Variants in CMTM7 observed in about 807,000 individuals in gnomAD.
The protein encoded by CMTM7 is CKLF like MARVEL transmembrane domain containing 7, also known as CKLF-like MARVEL transmembrane domain-containing protein 7.
A neutral mutation model predicts 19.3 loss-of-function variants in CMTM7; 7 were observed. The ratio of observed to expected loss-of-function variants is 0.36; its 90% confidence interval spans 0.21 to 0.68. CMTM7 has a LOEUF of 0.68. CMTM7 is among the 30% of genes least tolerant of loss of function. CMTM7 has a pLI of 0.60. For missense variants in CMTM7, 193 were observed against 232.6 expected, an observed-to-expected ratio of 0.83 and a Z score of 1.11; for synonymous variants, 87 against 99.3, an observed-to-expected ratio of 0.88 and a Z score of 0.74.
Position 32,441,995 on chromosome 3 carries a change from T to C in CMTM7, c.315T>C (p.Cys105=). The change falls in exon 2 of 5, where the codon TGT becomes TGC. Residue 105 remains cysteine, a synonymous_variant. Transcript: ENST00000334983. ...TCCGCTTCTACCGCGTGCTCACCTG[T>C]ATCAGCTGGCCCCTGTCGGTAAGAG... ...HLFRFYRVLT[C]ISWPLSELLH... is the part of the protein sequence containing the mutation. 6.2e-7 allele frequency: 1 copy of C among 1,614,184 alleles called. No individual in the cohort carries two copies. The highest frequency in any genetic ancestry group is 8.5e-7 in the Non-Finnish European group (1 of 1,180,022).
At chr3:32,434,137 C>T (rs6788735) in intron 1 of CMTM7, among the ~76,000 whole-genome samples, 18,319 of 151,844 alleles carry the variant, frequency 0.12, 1,225 homozygotes, top group African/African-American at 0.18. Flanking sequence ...TGCAGTGAGC[C>T]GAGATCATGC....
intron 1 of CMTM7, among the ~76,000 whole-genome samples, chr3:32,401,698 C>T (rs1384814587): frequency 1.3e-5 from 2 of 152,236 alleles, no homozygotes; most frequent in Admixed American, 1.3e-4. Flanking sequence ...AAGCCTGGCT[C>T]GGCCGCCGCC....
chr3:32,425,328 GAGA>G (rs1468605711), intron 1 of CMTM7, among the ~76,000 whole-genome samples: 1 of 152,120 alleles, frequency 6.6e-6, no homozygotes, highest in African/African-American at 2.4e-5. Flanking sequence ...GCCAGTCCTG[GAGA>G]AGATTTCTTG....
intron 1 of CMTM7, among the ~76,000 whole-genome samples, chr3:32,423,953 T>C (rs1312300277): frequency 1.3e-5 from 2 of 152,222 alleles, no homozygotes; most frequent in Non-Finnish European, 2.9e-5. Context: ...TTACTTTCAA[T>C]AGAGGCCAGA....
intron 2 of CMTM7, among the ~76,000 whole-genome samples, chr3:32,444,839 C>T (rs1386285416): frequency 3.3e-5 from 5 of 152,140 alleles, no homozygotes; most frequent in African/African-American, 9.7e-5. Flanking sequence ...CATCCTCAAA[C>T]TCCTGGGCTC....
At chr3:32,409,572 G>A (rs1696142477) in intron 1 of CMTM7, among the ~76,000 whole-genome samples, 1 of 152,142 alleles carries the variant, frequency 6.6e-6, no homozygotes, top group Non-Finnish European at 1.5e-5. Context: ...GGTGTATTCA[G>A]TTGTCACATC....
At chr3:32,446,563 T>C (rs1696756969) in intron 2 of CMTM7, among the ~76,000 whole-genome samples, 1 of 152,160 alleles carries the variant, frequency 6.6e-6, no homozygotes, top group Non-Finnish European at 1.5e-5. Context: ...CCTAGTGTCT[T>C]AATGTATAAT....
chr3:32,399,263 G>GTTTTT (rs796825427), intron 1 of CMTM7, among the ~76,000 whole-genome samples: 21 of 128,480 alleles, frequency 1.6e-4, no homozygotes, highest in African/African-American at 5.3e-4. Flanking sequence ...GGAACCTTTT[G>GTTTTT]TTTTTTTTTT....
intron 1 of CMTM7, among the ~76,000 whole-genome samples, chr3:32,394,771 C>T (rs1695890518): frequency 6.6e-6 from 1 of 152,108 alleles, no homozygotes; most frequent in African/African-American, 2.4e-5. Flanking sequence ...TCTCAGCTCA[C>T]TGCAACCTCT....
intron 1 of CMTM7, among the ~76,000 whole-genome samples, chr3:32,402,386 A>G (rs1454774367): frequency 6.6e-6 from 1 of 151,884 alleles, no homozygotes; most frequent in South Asian, 2.1e-4. Flanking sequence ...TGCTGGGATT[A>G]CAGGCACCAG....
At chr3:32,430,709 G>GTA (rs1696504785) in intron 1 of CMTM7, among the ~76,000 whole-genome samples, 1 of 151,358 alleles carries the variant, frequency 6.6e-6, no homozygotes, top group Admixed American at 6.6e-5. Flanking sequence ...GTGTGTGTGT[G>GTA]TGTGTGACAC....
intron 2 of CMTM7, among the ~76,000 whole-genome samples, chr3:32,448,282 T>TA (rs1696780615): frequency 6.6e-6 from 1 of 152,146 alleles, no homozygotes; most frequent in African/African-American, 2.4e-5. Context: ...GTTCTTCAGT[T>TA]AAAATCTCTG....
In CMTM7 at chr3:32,416,372, T is replaced by C. The variant is rs1485998794; in HGVS notation, c.159+24307T>C. Among the ~76,000 whole-genome samples the C allele has an allele frequency of 2.5e-4, 22 of 87,642 alleles. 2 individuals carry two copies. The highest frequency in any genetic ancestry group is 9.8e-4 in the South Asian group (2 of 2,034). The allele number at this position is 87,642 out of a possible 152,430, so 57.5% of individuals were successfully genotyped here. A position where few individuals can be genotyped will look rare whatever the true frequency, so the allele number is the denominator to read the frequency against. ...CACCATCCGGGCTAATTTTTTTTTT[T>C]TTTTTTTTTTTTTTTTTTTTTTTTT... On this transcript the variant is annotated intron_variant, in intron 1 of 4. Coordinates refer to ENST00000334983, the MANE Select transcript of CMTM7 (RefSeq NM_138410.4).
At chr3:32,423,913 C>G (rs1696383367) in intron 1 of CMTM7, among the ~76,000 whole-genome samples, 1 of 152,202 alleles carries the variant, frequency 6.6e-6, no homozygotes, top group Admixed American at 6.5e-5. Flanking sequence ...TGCAAAGAAT[C>G]AAAACATGAA....
At chr3:32,419,502 G>T (rs1199448308) in intron 1 of CMTM7, among the ~76,000 whole-genome samples, 1 of 152,176 alleles carries the variant, frequency 6.6e-6, no homozygotes, top group Non-Finnish European at 1.5e-5. Flanking sequence ...CTGTGGGTTG[G>T]TTTTTAGATG....
chr3:32,392,787 G>A lies in CMTM7; in HGVS notation c.159+722G>A, dbSNP rs71323082. 7.8e-3 allele frequency among the ~76,000 whole-genome samples: 1,187 copies of A among 152,314 alleles called. 9 individuals carry two copies. The highest frequency in any genetic ancestry group is 0.012 in the Non-Finnish European group (842 of 68,020). On this transcript the variant is annotated intron_variant, in intron 1 of 4. Coordinates refer to ENST00000334983, the MANE Select transcript of CMTM7 (RefSeq NM_138410.4). ...GGGAGTCACCCGTGGAGCCAGGCAGGATGAGTGTCTGGGCTTGGATTGTGA... is the reference window on the plus strand; with the variant it reads ...GGGAGTCACCCGTGGAGCCAGGCAGAATGAGTGTCTGGGCTTGGATTGTGA...
chr3:32,393,561 CTA>C (rs944366478), intron 1 of CMTM7, among the ~76,000 whole-genome samples: 19 of 152,120 alleles, frequency 1.2e-4, no homozygotes, highest in Admixed American at 1.3e-4. Flanking sequence ...TCTTGTTGGT[CTA>C]TGAGTTTGGT....
At chr3:32,403,378 G>GCCTGTCTAAT (rs1177007911) in intron 1 of CMTM7, among the ~76,000 whole-genome samples, 1 of 151,922 alleles carries the variant, frequency 6.6e-6, no homozygotes, top group Non-Finnish European at 1.5e-5. Flanking sequence ...AGGCCACCAC[G>GCCTGTCTAAT]CCTGTCTAAT....
At position 32,441,974 on chromosome 3, in the gene CMTM7, C is replaced by A. The variant is rs775344390; in HGVS notation, c.294C>A (p.Arg98=). Residue 98 remains arginine, a synonymous_variant, in exon 2 of 5, where the codon CGC becomes CGA. Coordinates refer to ENST00000334983, the MANE Select transcript of CMTM7 (RefSeq NM_138410.4). The part of the protein sequence containing the change: ...ILAFYLVHLF[R]FYRVLTCISW... ...CCTTTTACCTGGTCCACCTCTTCCG[C>A]TTCTACCGCGTGCTCACCTGTATCA... The A allele has an allele frequency of 2.5e-6, 4 of 1,614,062 alleles. No homozygotes were observed. Among genetic ancestry groups the A allele is most frequent in the Non-Finnish European group, 3.4e-6 (4 of 1,180,052 alleles).
Sources: allele counts gnomAD v4.1 joint callset (sites outside exome capture counted in the v4.1 genomes callset), GRCh38; gene constraint gnomAD v4.1.1; transcripts MANE v1.5; gene names NCBI Gene and HGNC (gene_info 2026-07-23, HGNC 2026-07-21).